CACNA1C: variants seen among roughly 807,000 people sequenced by gnomAD.
CACNA1C encodes the protein voltage-dependent L-type calcium channel subunit alpha-1C.
CACNA1C carries 30 observed loss-of-function variants against 229.0 expected under a neutral mutation model. That is an observed-to-expected ratio of 0.13 (90% CI 0.10 to 0.18). CACNA1C has a LOEUF of 0.18. CACNA1C is among the 10% of genes least tolerant of loss of function. CACNA1C has a pLI of 1.00. For synonymous variants in CACNA1C, 1,114 were observed against 1,132.5 expected (o/e 0.98, Z 0.33); for missense variants, 1,658 against 2,845.0 (o/e 0.58, Z 9.49).
chr12:2,512,306 C>T lies in CACNA1C; in HGVS notation c.1218-506C>T, dbSNP rs114305660. ...TGGGAAGAGACATGAATGATTGGCT[C>T]TCAGGACCTGGGGCGAGTGAGTGGG... On this transcript the variant is annotated intron_variant, in intron 8 of 46. Transcript: ENST00000399655. The surrounding 1 kb of genome is among the most constrained non-coding windows in gnomAD (Gnocchi z 4.3). Among the ~76,000 whole-genome samples, 1 of 152,100 alleles carries T rather than the reference C, an allele frequency of 6.6e-6. No individual in the cohort carries two copies. Among genetic ancestry groups the T allele is most frequent in the Non-Finnish European group, 1.5e-5 (1 of 68,030 alleles).
chr12:2,464,905 T>G (rs750230299), intron 5 of CACNA1C, among the ~76,000 whole-genome samples: 2 of 152,202 alleles, frequency 1.3e-5, no homozygotes, highest in African/African-American at 4.8e-5. Flanking sequence ...GGATACCATA[T>G]AGAAGGCAAG....
chr12:2,037,605 C>T (rs556364822), intron 1 of CACNA1C, among the ~76,000 whole-genome samples: 1 of 152,144 alleles, frequency 6.6e-6, no homozygotes, highest in Admixed American at 6.5e-5. Context: ...GCAGGTCAGG[C>T]AGGGGTGCAC....
intron 1 of CACNA1C, among the ~76,000 whole-genome samples, chr12:2,047,494 G>C (rs1464472308): frequency 3.3e-5 from 5 of 152,230 alleles, no homozygotes; most frequent in Non-Finnish European, 5.9e-5. Flanking sequence ...TCTGTGTCTG[G>C]CCTGTCTCCA....
chr12:2,491,390 A>G (rs1373276595), intron 6 of CACNA1C, among the ~76,000 whole-genome samples: 1 of 152,142 alleles, frequency 6.6e-6, no homozygotes, highest in Non-Finnish European at 1.5e-5. Flanking sequence ...ATAAGTCAAT[A>G]AAGCTGATGG....
At chr12:2,543,559 A>G (rs917205493) in intron 9 of CACNA1C, among the ~76,000 whole-genome samples, 1 of 152,258 alleles carries the variant, frequency 6.6e-6, no homozygotes. Flanking sequence ...TGATTCCTGC[A>G]GGTGCTTATG....
At chr12:2,438,848 G>C (rs149694196) in intron 3 of CACNA1C, among the ~76,000 whole-genome samples, 2 of 152,090 alleles carry the variant, frequency 1.3e-5, no homozygotes, top group African/African-American at 2.4e-5. Flanking sequence ...ACAGGATCCT[G>C]TTCCCTGGGC....
chr12:2,139,057 T>G (rs1191470242), intron 3 of CACNA1C, among the ~76,000 whole-genome samples: 2 of 150,994 alleles, frequency 1.3e-5, no homozygotes, highest in African/African-American at 4.8e-5. Flanking sequence ...ACCATGCATT[T>G]GGTGGCTTAA....
intron 5 of CACNA1C, among the ~76,000 whole-genome samples, chr12:2,472,211 T>C (rs2154567998): frequency 6.6e-6 from 1 of 152,288 alleles, no homozygotes; most frequent in East Asian, 1.9e-4. Flanking sequence ...TTGTACTCCA[T>C]TCTCACTCTT....
chr12:2,568,987 G>A (rs1427571818), intron 13 of CACNA1C, among the ~76,000 whole-genome samples: 1 of 152,230 alleles, frequency 6.6e-6, no homozygotes, highest in Non-Finnish European at 1.5e-5. Context: ...CACCTGAGCT[G>A]TTAGGGAGGC....
intron 3 of CACNA1C, among the ~76,000 whole-genome samples, chr12:2,232,227 G>GTTTTGTTTTTCTTTT (rs2065455064): frequency 1.4e-5 from 1 of 73,574 alleles, no homozygotes; most frequent in Non-Finnish European, 2.6e-5. Context: ...GTCTTTCCTT[G>GTTTTGTTTTTCTTTT]TTTTTTTTTT....
chr12:2,130,406 A>C (rs1596655767), intron 3 of CACNA1C, among the ~76,000 whole-genome samples: 3 of 128,462 alleles, frequency 2.3e-5, no homozygotes, highest in East Asian at 2.4e-4. Context: ...GCACCCACTA[A>C]CTCATCATCT....
chr12:2,486,344 A>G lies in CACNA1C; in HGVS notation c.916+82A>G. 7.4e-6 allele frequency: 9 copies of G among 1,210,966 alleles called. No individual in the cohort carries two copies. Among genetic ancestry groups the G allele is most frequent in the Non-Finnish European group, 9.4e-6 (8 of 854,576 alleles). 75.0% of individuals were successfully genotyped at this position (1,210,966 alleles called of 1,614,324 possible). The stretch of plus-strand genomic sequence containing the variant: ...CTTTCCCGCTGCTGGCTACACCAAC[A>G]TGACCAGCAGAGCCCAGGGAAGGCC... On this transcript the variant is annotated intron_variant, in intron 6 of 46. Coordinates refer to ENST00000399655, the MANE Select transcript of CACNA1C (RefSeq NM_000719.7). This position sits in a 1 kb window ranked among gnomAD's most constrained non-coding sequence, Gnocchi z 4.9.
In CACNA1C at chr12:2,298,189, C is replaced by G. The variant is rs568725652; in HGVS notation, c.478-150787C>G. On this transcript the variant is annotated intron_variant, in intron 3 of 46. Coordinates refer to ENST00000399655, the MANE Select transcript of CACNA1C (RefSeq NM_000719.7). Reference sequence around the variant, plus strand: ...GACAGTCCTTCCTGGGAAGAGCACCCTGCCCTCCCCATGACAAGTGCTCAG... The same window carrying G: ...GACAGTCCTTCCTGGGAAGAGCACCGTGCCCTCCCCATGACAAGTGCTCAG... 7.4e-4 allele frequency among the ~76,000 whole-genome samples: 113 copies of G among 152,362 alleles called. 1 individual carries two copies. Among genetic ancestry groups the G allele is most frequent in the African/African-American group, 2.7e-3 (112 of 41,586 alleles).
chr12:2,089,626 A>G (rs1213504167), intron 1 of CACNA1C, among the ~76,000 whole-genome samples: 2 of 152,202 alleles, frequency 1.3e-5, no homozygotes, highest in Non-Finnish European at 2.9e-5. Flanking sequence ...ATTTTTAAAA[A>G]CTGTGGTAAA....
chr12:1,979,658 C>A (rs186094122), intron 1 of CACNA1C, among the ~76,000 whole-genome samples: 13 of 152,186 alleles, frequency 8.5e-5, no homozygotes, highest in African/African-American at 2.9e-4. Context: ...TTGGATCATA[C>A]GCTAGTTATA....
intron 1 of CACNA1C, among the ~76,000 whole-genome samples, chr12:1,989,346 A>AGAGCAG (rs370112885): frequency 1.4e-4 from 22 of 152,262 alleles, no homozygotes; most frequent in South Asian, 8.3e-4. Flanking sequence ...TCTAAAGAGC[A>AGAGCAG]GAGCAGGAGC....
At position 2,029,129 on chromosome 12, in the gene CACNA1C, G is replaced by T. The variant is rs749070211; in HGVS notation, c.139+57928G>T. ...GAGGCCCCATGAGTGGAAATGACTT[G>T]CTCAGTAATCTTAAGGGGCTTTTTC... On this transcript the variant is annotated intron_variant, in intron 1 of 46. Transcript: ENST00000682462. This position sits in a 1 kb window ranked among gnomAD's most constrained non-coding sequence, Gnocchi z 4.9. Among the ~76,000 whole-genome samples, 1 of 152,172 alleles carries T rather than the reference G, an allele frequency of 6.6e-6. No individual in the cohort carries two copies. The highest frequency in any genetic ancestry group is 2.4e-5 in the African/African-American group (1 of 41,430).
At chr12:2,510,882 CT>C (rs2099782203) in intron 8 of CACNA1C, among the ~76,000 whole-genome samples, 1 of 152,142 alleles carries the variant, frequency 6.6e-6, no homozygotes, top group African/African-American at 2.4e-5. Flanking sequence ...AGGTTACTGT[CT>C]CCAGGAGCAA....
At chr12:2,250,916 T>A (rs2075356902) in intron 3 of CACNA1C, among the ~76,000 whole-genome samples, 1 of 152,182 alleles carries the variant, frequency 6.6e-6, no homozygotes, top group Non-Finnish European at 1.5e-5. Flanking sequence ...TCTTCTGTCC[T>A]TGTGGGTTTG....
Sources: allele counts gnomAD v4.1 joint callset (sites outside exome capture counted in the v4.1 genomes callset), GRCh38; gene constraint gnomAD v4.1.1; non-coding constraint Gnocchi (gnomAD v3.1); transcripts MANE v1.5; gene names NCBI Gene and HGNC (gene_info 2026-07-23, HGNC 2026-07-21).